Variants in FBXO42 observed in about 807,000 individuals in gnomAD.
FBXO42 encodes F-box protein 42.
A neutral mutation model predicts 71.7 loss-of-function variants in FBXO42; 12 were observed. The observed-to-expected ratio is 0.17, with a 90% confidence interval of 0.11 to 0.27. The LOEUF (loss-of-function observed/expected upper bound fraction) is 0.27, where lower values mean the gene tolerates loss of function less well. Among genes scored for constraint, FBXO42 ranks in the 10% least tolerant of loss-of-function variants. The probability of loss-of-function intolerance (pLI) is 1.00; values close to 1 mark genes in which losing one functional copy is unlikely to be tolerated. For missense variants in FBXO42, 707 were observed against 911.9 expected (o/e 0.78, Z 2.89); for synonymous variants, 325 against 327.5 (o/e 0.99, Z 0.08).
At chr1:16,329,031 C>T (rs1194974240) in intron 1 of FBXO42, among the ~76,000 whole-genome samples, 1 of 151,740 alleles carries the variant, frequency 6.6e-6, no homozygotes. Flanking sequence ...GCCATGGTGG[C>T]GGGTGCCTGT....
At chr1:16,293,504 T>C (rs1220968975) in intron 4 of FBXO42, 1 of 152,166 alleles carries the variant, frequency 6.6e-6, no homozygotes, top group Non-Finnish European at 1.5e-5. Context: ...GAGAAGGGGA[T>C]ATAATAGCTC....
rs11260726 is a variant in FBXO42, at chr1:16,316,971, A to G, written c.-17-1536T>C. On this transcript the variant is annotated intron_variant, in intron 1 of 9. Coordinates refer to ENST00000375592, the MANE Select transcript of FBXO42 (RefSeq NM_018994.3). ...ATATACATATAAATAAATCTCTCAA[A>G]CATAATGTTAAGCAAAAGAAGATAG... Among the ~76,000 whole-genome samples, 904 of 152,122 alleles carry G rather than the reference A, an allele frequency of 5.9e-3. 7 individuals carry two copies. Among genetic ancestry groups the G allele is most frequent in the African/African-American group, 0.021 (868 of 41,508 alleles).
At chr1:16,327,488 G>A (rs1293590249) in intron 1 of FBXO42, among the ~76,000 whole-genome samples, 1 of 152,048 alleles carries the variant, frequency 6.6e-6, no homozygotes, top group African/African-American at 2.4e-5. Context: ...TTTTAATCGT[G>A]GTAAGTCCCA....
intron 4 of FBXO42, among the ~76,000 whole-genome samples, chr1:16,269,186 C>G (rs1484637307): frequency 2.0e-5 from 3 of 149,416 alleles, no homozygotes. Context: ...CTCCTGGGTT[C>G]AAGCGATTCT....
At chr1:16,279,858 T>TTTG (rs2081943863) in intron 4 of FBXO42, among the ~76,000 whole-genome samples, 1 of 145,078 alleles carries the variant, frequency 6.9e-6, no homozygotes, top group African/African-American at 2.5e-5. Context: ...TTTTTTCTTT[T>TTTG]TTTTTTGAGA....
intron 1 of FBXO42, among the ~76,000 whole-genome samples, chr1:16,348,854 CAATT>C (rs766055798): frequency 6.6e-5 from 10 of 152,166 alleles, no homozygotes; most frequent in African/African-American, 1.9e-4. Flanking sequence ...TAAGGAATAA[CAATT>C]AAATATTTAC....
chr1:16,350,893 A>G (rs1467806648), intron 1 of FBXO42, among the ~76,000 whole-genome samples: 3 of 152,180 alleles, frequency 2.0e-5, no homozygotes, highest in Non-Finnish European at 2.9e-5. Context: ...TGAATCATCT[A>G]TTTATACTGG....
At chr1:16,312,768 G>A (rs2082325254) in intron 2 of FBXO42, among the ~76,000 whole-genome samples, 1 of 151,480 alleles carries the variant, frequency 6.6e-6, no homozygotes, top group African/African-American at 2.4e-5. Context: ...TGTCAGGGTA[G>A]GGGATATATG....
At chr1:16,326,913 AGTT>A (rs2082457175) in intron 1 of FBXO42, among the ~76,000 whole-genome samples, 1 of 152,142 alleles carries the variant, frequency 6.6e-6, no homozygotes, top group African/African-American at 2.4e-5. Flanking sequence ...GAAAACATTC[AGTT>A]TACTATGAAC....
chr1:16,323,566 G>T (rs946385176), intron 1 of FBXO42, among the ~76,000 whole-genome samples: 1 of 151,520 alleles, frequency 6.6e-6, no homozygotes, highest in Admixed American at 6.6e-5. Flanking sequence ...GGAGGCTGAG[G>T]TGCGCGGATC....
chr1:16,293,630 C>T (rs2082101330), intron 4 of FBXO42: 1 of 152,174 alleles, frequency 6.6e-6, no homozygotes, highest in South Asian at 2.1e-4. Context: ...ATGGTATCCA[C>T]TCAGTAGGCT....
chr1:16,328,856 AC>A (rs1371877967), intron 1 of FBXO42, among the ~76,000 whole-genome samples: 1 of 152,124 alleles, frequency 6.6e-6, no homozygotes, highest in Admixed American at 6.6e-5. Flanking sequence ...TGCCCTAAAA[AC>A]AAAACAAAAG....
chr1:16,347,327 C>A (rs997570488), intron 1 of FBXO42, among the ~76,000 whole-genome samples: 1 of 151,428 alleles, frequency 6.6e-6, no homozygotes, highest in African/African-American at 2.4e-5. Flanking sequence ...AGTAGCCTGG[C>A]CAACATGGTG....
intron 1 of FBXO42, among the ~76,000 whole-genome samples, chr1:16,344,842 T>A (rs1383753733): frequency 6.6e-6 from 1 of 152,180 alleles, no homozygotes; most frequent in Non-Finnish European, 1.5e-5. Flanking sequence ...CTCACACCTG[T>A]TATCCCAACA....
intron 3 of FBXO42, among the ~76,000 whole-genome samples, chr1:16,305,440 G>A (rs1046336467): frequency 6.6e-6 from 1 of 152,148 alleles, no homozygotes; most frequent in Non-Finnish European, 1.5e-5. Context: ...CCTTGGCTGG[G>A]TGTCGTGGCT....
intron 1 of FBXO42, among the ~76,000 whole-genome samples, chr1:16,336,302 C>G (rs747472038): frequency 6.6e-6 from 1 of 151,762 alleles, no homozygotes; most frequent in Non-Finnish European, 1.5e-5. Flanking sequence ...GCCAAATGAT[C>G]GTAATATTCT....
At chr1:16,272,069 T>C (rs7530218) in intron 4 of FBXO42, among the ~76,000 whole-genome samples, 2 of 144,514 alleles carry the variant, frequency 1.4e-5, no homozygotes, top group African/African-American at 5.1e-5. Flanking sequence ...GCAGGAGAAT[T>C]GCATGAATCT....
chr1:16,341,773 C>T (rs2082607171), intron 1 of FBXO42, among the ~76,000 whole-genome samples: 1 of 149,956 alleles, frequency 6.7e-6, no homozygotes, highest in African/African-American at 2.5e-5. Context: ...GAGTTCGAGA[C>T]CAACCTGACC....
At chr1:16,333,033 C>T (rs1379467107) in intron 1 of FBXO42, among the ~76,000 whole-genome samples, 1 of 152,110 alleles carries the variant, frequency 6.6e-6, no homozygotes, top group Non-Finnish European at 1.5e-5. Flanking sequence ...TGGCCATCCC[C>T]TCTTGCAGAA....
Sources: gnomAD v4.1 joint callset for allele counts (sites outside exome capture counted in the v4.1 genomes callset) on GRCh38, gnomAD v4.1.1 for gene constraint, MANE v1.5 for transcripts, NCBI Gene and HGNC (gene_info 2026-07-23, HGNC 2026-07-21) for gene names.